The following CYP4X1 variants were observed in gnomAD, a reference collection of about 807,000 sequenced individuals.
CYP4X1 encodes the protein cytochrome P450 family 4 subfamily X member 1.
A neutral mutation model predicts 57.9 loss-of-function variants in CYP4X1; 44 were observed. The ratio of observed to expected loss-of-function variants is 0.76; its 90% CI spans 0.60 to 0.98. The LOEUF (loss-of-function observed/expected upper bound fraction) is 0.98, where lower values mean the gene tolerates loss of function less well. Among genes scored for constraint, CYP4X1 ranks in the 50% least tolerant of loss-of-function variants. CYP4X1 has a pLI of 0.00. For missense variants in CYP4X1, 532 were observed against 623.9 expected, an observed-to-expected ratio of 0.85 and a Z score of 1.57; for synonymous variants, 227 against 228.6, an observed-to-expected ratio of 0.99 and a Z score of 0.06.
intron 8 of CYP4X1, among the ~76,000 whole-genome samples, chr1:47,043,847 GTCT>G (rs1557609982): frequency 6.6e-6 from 1 of 152,008 alleles, no homozygotes; most frequent in East Asian, 1.9e-4. Context: ...TTATATAATG[GTCT>G]TCTTGTCTCT....
intron 8 of CYP4X1, among the ~76,000 whole-genome samples, chr1:47,039,887 C>T (rs1644226799): frequency 6.6e-6 from 1 of 152,110 alleles, no homozygotes; most frequent in African/African-American, 2.4e-5. Flanking sequence ...AGCTCCTCTT[C>T]TGAGAGAGCT....
the CYP4X1 span, among the ~76,000 whole-genome samples, chr1:46,988,719 G>T: frequency 6.6e-6 from 1 of 152,046 alleles, no homozygotes; most frequent in Non-Finnish European, 1.5e-5. Flanking sequence ...GAGATGCAAG[G>T]TTGGTTTAAC....
At chr1:46,986,214 A>C in the CYP4X1 span, among the ~76,000 whole-genome samples, 4 of 152,202 alleles carry the variant, frequency 2.6e-5, no homozygotes, top group East Asian at 7.7e-4. Context: ...AAAGAACTTC[A>C]TGAAGCATAT....
downstream of CYP4X1, among the ~76,000 whole-genome samples, chr1:47,052,369 A>T (rs78127058): frequency 4.9e-3 from 751 of 152,278 alleles, 12 homozygotes; most frequent in East Asian, 0.047. Context: ...AATATACCTT[A>T]TATTTCTGTC....
At chr1:47,026,556 C>G (rs1015700645) in intron 1 of CYP4X1, among the ~76,000 whole-genome samples, 19 of 152,144 alleles carry the variant, frequency 1.2e-4, no homozygotes, top group African/African-American at 4.6e-4. Flanking sequence ...TTAGACTCAG[C>G]CTATCAATTT....
chr1:46,976,797 T>C, the CYP4X1 span, among the ~76,000 whole-genome samples: 2 of 152,308 alleles, frequency 1.3e-5, no homozygotes, highest in African/African-American at 2.4e-5. Context: ...TATTTGCTGC[T>C]CTGCAGCCTC....
chr1:47,048,080 A>C lies in CYP4X1; in HGVS notation c.1208-485A>C, dbSNP rs774660223. Among the ~76,000 whole-genome samples the C allele has an allele frequency of 2.9e-3, 154 of 53,556 alleles. 5 individuals are homozygous for C. Among genetic ancestry groups the C allele is most frequent in the Non-Finnish European group, 2.8e-3 (82 of 29,342 alleles). 35.1% of individuals were successfully genotyped at this position (53,556 alleles called of 152,430 possible). ...CAACATAGGGAGACCCTGTCTTTAC[A>C]AAAAAAAAAAAAGAGAGAGATAGCC... On this transcript the variant is annotated intron_variant, in intron 9 of 11. Transcript: ENST00000371901.
chr1:47,045,270 C>G (rs1490152778), intron 8 of CYP4X1, among the ~76,000 whole-genome samples: 1 of 152,096 alleles, frequency 6.6e-6, no homozygotes, highest in East Asian at 1.9e-4. Flanking sequence ...TAAATATATG[C>G]AGTCATTTTA....
chr1:46,961,809 G>A, the CYP4X1 span: 1 of 1,279,542 alleles, frequency 7.8e-7, no homozygotes, highest in Non-Finnish European at 1.0e-6. Context: ...CTTGGTGCTG[G>A]ATGACCTCTG....
At chr1:46,980,877 GA>G in the CYP4X1 span, among the ~76,000 whole-genome samples, 9 of 152,302 alleles carry the variant, frequency 5.9e-5, no homozygotes, top group African/African-American at 2.2e-4. Context: ...AAGAAATGGG[GA>G]AAGGATTCCC....
the CYP4X1 span, chr1:46,967,767 G>A: frequency 1.2e-4 from 159 of 1,334,956 alleles, no homozygotes; most frequent in Middle Eastern, 4.0e-4. Context: ...ATGGTATGCC[G>A]ACCGGGATCC....
chr1:47,049,425 TTTGACCC>T lies in CYP4X1; in HGVS notation c.1277_1283del (p.Phe426SerfsTer2). The T allele has an allele frequency of 1.9e-6, 3 of 1,613,986 alleles. No homozygotes were observed. The highest frequency in any genetic ancestry group is 2.5e-6 in the Non-Finnish European group (3 of 1,179,890). ...TGGGGTTGTCCTCTCATTTCAGGTC[TTTGACCC>T]CTTGAGGTTCTCTCAGGAGAATTCT... On this transcript the variant is annotated frameshift_variant, in exon 11 of 12. Transcript: ENST00000371901. LOFTEE classifies it high-confidence loss of function.
At chr1:46,994,170 C>A in the CYP4X1 span, among the ~76,000 whole-genome samples, 1 of 152,260 alleles carries the variant, frequency 6.6e-6, no homozygotes, top group South Asian at 2.1e-4. Context: ...TTTCCCAGCA[C>A]CATTTATTAA....
intron 8 of CYP4X1, 55 bp from the exon 9 acceptor site, chr1:47,046,412 A>AAAAAAAGT: frequency 6.2e-7 from 1 of 1,600,712 alleles, no homozygotes; most frequent in Non-Finnish European, 8.5e-7. Flanking sequence ...CAGAAAACAG[A>AAAAAAAGT]AAAAAAGTAA....
the CYP4X1 span, among the ~76,000 whole-genome samples, chr1:46,969,411 G>A: frequency 6.6e-6 from 1 of 152,232 alleles, no homozygotes; most frequent in East Asian, 1.9e-4. Context: ...AACTCGTCCT[G>A]TCCTCTAGTG....
At chr1:46,974,110 A>C in the CYP4X1 span, among the ~76,000 whole-genome samples, 1 of 151,970 alleles carries the variant, frequency 6.6e-6, no homozygotes, top group East Asian at 1.9e-4. Context: ...AGATTCTCAT[A>C]TGTTGTATTT....
intron 1 of CYP4X1, among the ~76,000 whole-genome samples, chr1:47,027,846 C>T (rs904782424): frequency 1.3e-4 from 20 of 152,132 alleles, no homozygotes; most frequent in African/African-American, 4.3e-4. Context: ...CTATCTCCAA[C>T]CCTATTATTA....
At chr1:46,999,026 T>TTGTGTGTGTGTGTGTGGTGTG in the CYP4X1 span, among the ~76,000 whole-genome samples, 2 of 143,248 alleles carry the variant, frequency 1.4e-5, no homozygotes, top group African/African-American at 5.3e-5. Context: ...CTTGCTTTCT[T>TTGTGTGTGTGTGTGTGGTGTG]TGTGTGTGTG....
chr1:47,031,136 G>A (rs1347872660), intron 2 of CYP4X1, among the ~76,000 whole-genome samples: 2 of 152,228 alleles, frequency 1.3e-5, no homozygotes, highest in Non-Finnish European at 2.9e-5. Context: ...TCCCAACTAC[G>A]GTTATGGAAA....
Sources: allele counts gnomAD v4.1 joint callset (sites outside exome capture counted in the v4.1 genomes callset), GRCh38; gene constraint gnomAD v4.1.1; transcripts MANE v1.5; gene names NCBI Gene and HGNC (gene_info 2026-07-23, HGNC 2026-07-21).